TEX55: variants seen among roughly 807,000 people sequenced by gnomAD.
TEX55 encodes the protein testis-specific expressed protein 55.
Under a neutral mutation model 44.6 loss-of-function variants are expected in TEX55, and 31 were observed. The observed-to-expected ratio is 0.69, with a 90% CI of 0.52 to 0.94. TEX55 has a LOEUF of 0.94. TEX55 is among the 40% of genes least tolerant of loss of function. The probability of loss-of-function intolerance (pLI) is 0.00; values close to 1 mark genes in which losing one functional copy is unlikely to be tolerated. For missense variants in TEX55, 639 were observed against 638.4 expected, an observed-to-expected ratio of 1.00 and a Z score of -0.01; for synonymous variants, 230 against 230.9, an observed-to-expected ratio of 1.00 and a Z score of 0.04.
chr3:119,147,019 G>A lies in TEX55; in HGVS notation c.830G>A (p.Arg277Lys), dbSNP rs1289082092. 1 of 1,614,194 alleles carries A rather than the reference G, an allele frequency of 6.2e-7. No individual in the cohort carries two copies. Among genetic ancestry groups the A allele is most frequent in the Admixed American group, 1.7e-5 (1 of 60,034 alleles). ...AGAAGTTCTGAGAAGACTGACTACA[G>A]ATTGGCTGGCCTGGCTGACCCAGGA... ...RRRSSEKTDY[R>K]LAGLADPGTS... Residue 277 changes from arginine to lysine, a missense_variant, in exon 1 of 3, where the codon AGA becomes AAA. By Grantham distance (26) the Arg-to-Lys change is conservative. Transcript: ENST00000295622.
rs1222179398 is a variant in TEX55, at chr3:119,147,102, A to G, written c.913A>G (p.Lys305Glu). 3 of 1,614,180 alleles carry G rather than the reference A, an allele frequency of 1.9e-6. No homozygotes were observed. Among genetic ancestry groups the G allele is most frequent in the Admixed American group, 1.7e-5 (1 of 60,024 alleles). Residue 305 changes from lysine to glutamate, a missense_variant, in exon 1 of 3, where the codon AAG becomes GAG. By Grantham distance (56) the Lys-to-Glu change is moderately conservative. Transcript: ENST00000295622. ...CCTCGTTGACCACAAAACATCTGTA[A>G]AGACTCACCACCAAGTGTACGGCCA... ...YGLVDHKTSV[K>E]THHQVYGQAT... is the part of the protein sequence containing the mutation.
chr3:119,146,378 T>A lies in TEX55; in HGVS notation c.189T>A (p.Ala63=). ...DQTALRVPSQ[A]ESSIFSQATN... Reference sequence around the variant, plus strand: ...CTGCCCTAAGAGTGCCTAGCCAGGCTGAATCCAGCATATTTAGCCAAGCTA... The same window carrying A: ...CTGCCCTAAGAGTGCCTAGCCAGGCAGAATCCAGCATATTTAGCCAAGCTA... Residue 63 remains alanine (A), a synonymous_variant, in exon 1 of 3, where the codon GCT becomes GCA. Coordinates refer to ENST00000295622, the MANE Select transcript of TEX55 (RefSeq NM_152539.3). 1 of 1,614,202 alleles carries A rather than the reference T, an allele frequency of 6.2e-7. No individual in the cohort carries two copies. The highest frequency in any genetic ancestry group is 8.5e-7 in the Non-Finnish European group (1 of 1,180,024).
In TEX55 at chr3:119,146,335, A is replaced by G; in HGVS notation, c.146A>G (p.His49Arg). 1 of 1,614,192 alleles carries G rather than the reference A, an allele frequency of 6.2e-7. No individual in the cohort carries two copies. The highest frequency in any genetic ancestry group is 8.5e-7 in the Non-Finnish European group (1 of 1,180,028). The change falls in exon 1 of 3, where the codon CAC becomes CGC. Residue 49 changes from histidine to arginine, a missense_variant. Coordinates refer to ENST00000295622, the MANE Select transcript of TEX55 (RefSeq NM_152539.3). Reference protein sequence around the residue: ...AERKADNHTAHRIADQTALRV... With the variant: ...AERKADNHTARRIADQTALRV... The stretch of plus-strand genomic sequence containing the variant: ...AGGAAGGCAGATAACCACACTGCTC[A>G]CAGAATAGCTGACCAGACTGCCCTA...
intron 2 of TEX55, among the ~76,000 whole-genome samples, chr3:119,149,661 T>C (rs2077764052): frequency 6.6e-6 from 1 of 152,192 alleles, no homozygotes; most frequent in African/African-American, 2.4e-5. Flanking sequence ...TACACCAGCT[T>C]CACCACAGAC....
In TEX55 at chr3:119,146,686, T is replaced by G; in HGVS notation, c.497T>G (p.Leu166Arg). 1.2e-6 allele frequency: 2 copies of G among 1,614,232 alleles called. No homozygotes were observed. Among genetic ancestry groups the G allele is most frequent in the Non-Finnish European group, 1.7e-6 (2 of 1,180,044 alleles). ...ACTTCTGGGCAGATTGATGGTAGAC[T>G]GGCTATGCCATCTGACCAGAGAGGT... ...RRTSGQIDGR[L>R]AMPSDQRGSR... Residue 166 changes from leucine to arginine, a missense_variant, in exon 1 of 3, where the codon CTG becomes CGG. Coordinates refer to ENST00000295622, the MANE Select transcript of TEX55 (RefSeq NM_152539.3).
rs756506680 is a variant in TEX55, at chr3:119,147,238, C to A, written c.1049C>A (p.Ala350Glu). The A allele has an allele frequency of 2.5e-6, 4 of 1,614,158 alleles. No homozygotes were observed. The highest frequency in any genetic ancestry group is 1.3e-5 in the African/African-American group (1 of 75,046). Residue 350 changes from alanine (A) to glutamate (E), a missense_variant, in exon 1 of 3, where the codon GCA becomes GAA. Transcript: ENST00000295622. ...GAATCTGACCAGACTGACCACTTAGCAGACAGACAAGCTAATCATAAAGAC... is the reference window on the plus strand; with the variant it reads ...GAATCTGACCAGACTGACCACTTAGAAGACAGACAAGCTAATCATAAAGAC... ...YTESDQTDHL[A>E]DRQANHKDQL...
chr3:119,149,797 A>G (rs918500576), intron 2 of TEX55, among the ~76,000 whole-genome samples: 1 of 152,218 alleles, frequency 6.6e-6, no homozygotes, highest in African/African-American at 2.4e-5. Context: ...CTTTCAAAAG[A>G]TGACCAATCT....
In TEX55 at chr3:119,146,908, TAC is replaced by T. The variant is rs2077732683; in HGVS notation, c.721_722del (p.Gln241AspfsTer2). 1.2e-6 allele frequency: 2 copies of T among 1,613,904 alleles called. No individual in the cohort carries two copies. The highest frequency in any genetic ancestry group is 1.3e-5 in the African/African-American group (1 of 74,928). ...GTCCCATCTGACCAAAGTCCTTCTG[TAC>T]AGATTGACAGTGGATCGTCCGTACC... On this transcript the variant is annotated frameshift_variant, in exon 1 of 3. Transcript: ENST00000295622. LOFTEE classifies it high-confidence loss of function.
intron 2 of TEX55, among the ~76,000 whole-genome samples, chr3:119,148,810 T>C (rs899211025): frequency 6.6e-6 from 1 of 152,196 alleles, no homozygotes; most frequent in Non-Finnish European, 1.5e-5. Flanking sequence ...CAAACCTGTA[T>C]TGTACATTAT....
At position 119,147,434 on chromosome 3, in the gene TEX55, A is replaced by C; in HGVS notation, c.1245A>C (p.Ala415=). The change falls in exon 1 of 3, where the codon GCA becomes GCC. Residue 415 remains alanine (A), a synonymous_variant. Coordinates refer to ENST00000295622, the MANE Select transcript of TEX55 (RefSeq NM_152539.3). ...CAGTTGAAATGGAAACTCAGAATGC[A>C]ACCACTATCCCACCCTACAACCCAG... ...KPSVEMETQN[A]TTIPPYNPVD... 1 of 1,614,154 alleles carries C rather than the reference A, an allele frequency of 6.2e-7. No homozygotes were observed. The highest frequency in any genetic ancestry group is 8.5e-7 in the Non-Finnish European group (1 of 1,180,030).
Position 119,146,762 on chromosome 3 carries a change from C to T in TEX55, c.573C>T (p.Ser191=), listed in dbSNP as rs10934483. 213,928 of 1,614,008 alleles carry T rather than the reference C, an allele frequency of 0.13. 14,825 individuals carry two copies. The highest frequency in any genetic ancestry group is 0.24 in the East Asian group (10,777 of 44,864). The part of the protein sequence containing the change: ...RMAGQSERRA[S]EQMDRRMSGE... ...CAGGCCAGTCTGAGAGAAGAGCTTC[C>T]GAGCAGATGGACCGCAGAATGTCTG... The change falls in exon 1 of 3, where the codon TCC becomes TCT. Residue 191 remains serine (S), a synonymous_variant. Coordinates refer to ENST00000295622, the MANE Select transcript of TEX55 (RefSeq NM_152539.3).
In TEX55 at chr3:119,147,256, A is replaced by T. The variant is rs369951643; in HGVS notation, c.1067A>T (p.His356Leu). ...TDHLADRQAN[H>L]KDQLSYYETR... Reference sequence around the variant, plus strand: ...CACTTAGCAGACAGACAAGCTAATCATAAAGACCAGCTGTCTTACTATGAA... The same window carrying T: ...CACTTAGCAGACAGACAAGCTAATCTTAAAGACCAGCTGTCTTACTATGAA... Residue 356 changes from histidine to leucine, a missense_variant, in exon 1 of 3, where the codon CAT becomes CTT. His to Leu is a moderately conservative substitution (Grantham distance 99). Transcript: ENST00000295622. 1.9e-6 allele frequency: 3 copies of T among 1,614,100 alleles called. No homozygotes were observed. The African/African-American group carries it at 4.0e-5, about 22-fold the overall frequency.
At position 119,146,790 on chromosome 3, in the gene TEX55, G is replaced by C; in HGVS notation, c.601G>C (p.Glu201Gln). 6.2e-7 allele frequency: 1 copy of C among 1,614,010 alleles called. No individual in the cohort carries two copies. Among genetic ancestry groups the C allele is most frequent in the South Asian group, 1.1e-5 (1 of 91,084 alleles). ...GCAGATGGACCGCAGAATGTCTGGC[G>C]AGGCTGAGCGAAGAACTTCTGAGCA... ...SEQMDRRMSG[E>Q]AERRTSEQIT... The change falls in exon 1 of 3, where the codon GAG becomes CAG. Residue 201 changes from glutamate to glutamine, a missense_variant. Coordinates refer to ENST00000295622, the MANE Select transcript of TEX55 (RefSeq NM_152539.3).
chr3:119,147,698 G>A (rs1576851722), intron 1 of TEX55, 111 bp downstream of exon 1: 2 of 915,458 alleles, frequency 2.2e-6, no homozygotes, highest in East Asian at 5.1e-5. Flanking sequence ...CAAGGATAAA[G>A]AATAAACCCA....
In TEX55 at chr3:119,146,172, T is replaced by A. The variant is rs370742190; in HGVS notation, c.-18T>A. The A allele has an allele frequency of 4.4e-5, 69 of 1,576,112 alleles. No individual in the cohort carries two copies. In the African/African-American group the frequency reaches 9.0e-4, roughly 21 times the overall value. On this transcript the variant is annotated 5_prime_UTR_variant, in exon 1 of 3. Transcript: ENST00000295622. ...CACAGTGCCTGGCAACCTAGACCAG[T>A]CAGGGACGCGGCAGGAAATGGAAGA...
In TEX55 at chr3:119,147,438, A is replaced by G. The variant is rs781158124; in HGVS notation, c.1249A>G (p.Thr417Ala). 6.2e-7 allele frequency: 1 copy of G among 1,614,170 alleles called. No individual in the cohort carries two copies. Among genetic ancestry groups the G allele is most frequent in the Non-Finnish European group, 8.5e-7 (1 of 1,180,034 alleles). Residue 417 changes from threonine to alanine, a missense_variant, in exon 1 of 3, where the codon ACT becomes GCT. Transcript: ENST00000295622. ...TGAAATGGAAACTCAGAATGCAACCACTATCCCACCCTACAACCCAGTTGA... is the reference window on the plus strand; with the variant it reads ...TGAAATGGAAACTCAGAATGCAACCGCTATCCCACCCTACAACCCAGTTGA... ...SVEMETQNAT[T>A]IPPYNPVDAR... is the part of the protein sequence containing the mutation.
At chr3:119,148,390 T>C in intron 2 of TEX55, 67 bp downstream of exon 2, 1 of 1,418,446 alleles carries the variant, frequency 7.0e-7, no homozygotes, top group Non-Finnish European at 9.7e-7. Flanking sequence ...GTGTATTCTG[T>C]AAAAAGGGAT....
At position 119,146,726 on chromosome 3, in the gene TEX55, C is replaced by G. The variant is rs771038506; in HGVS notation, c.537C>G (p.Asp179Glu). 1 of 1,614,130 alleles carries G rather than the reference C, an allele frequency of 6.2e-7. No individual in the cohort carries two copies. The change falls in exon 1 of 3, where the codon GAC (aspartate) becomes GAG (glutamate). Residue 179 changes from aspartate (D) to glutamate (E), a missense_variant. Coordinates refer to ENST00000295622, the MANE Select transcript of TEX55 (RefSeq NM_152539.3). ...PSDQRGSRQT[D>E]HRMAGQSERR... ...ACCAGAGAGGTTCCAGACAGACCGA[C>G]CACAGAATGGCAGGCCAGTCTGAGA...
At chr3:119,148,149 G>A (rs746406289) in intron 1 of TEX55, 31 bp from the exon 2 acceptor site, 3 of 1,595,940 alleles carry the variant, frequency 1.9e-6, no homozygotes, top group Non-Finnish European at 2.6e-6. Context: ...GGTTTACTAA[G>A]GACTTTTTGG....
Sources: gnomAD v4.1 joint callset for allele counts (sites outside exome capture counted in the v4.1 genomes callset) on GRCh38, gnomAD v4.1.1 for gene constraint, MANE v1.5 for transcripts, NCBI Gene and HGNC (gene_info 2026-07-23, HGNC 2026-07-21) for gene names.